Variants in EMILIN2 observed in about 807,000 individuals in gnomAD.
EMILIN2 encodes the protein elastin microfibril interfacer 2, also known as EMILIN-2.
A neutral mutation model predicts 87.1 loss-of-function variants in EMILIN2; 71 were observed. That is an observed-to-expected ratio of 0.82 (90% CI 0.67 to 0.99). The LOEUF (loss-of-function observed/expected upper bound fraction) is 0.99. Ranked by LOEUF, EMILIN2 falls within the 50% of genes least tolerant of loss-of-function variation. The pLI is 0.00. For synonymous variants in EMILIN2, 581 were observed against 563.4 expected, an observed-to-expected ratio of 1.03 and a Z score of -0.44; for missense variants, 1,407 against 1,371.8, an observed-to-expected ratio of 1.03 and a Z score of -0.40.
chr18:2,858,889 G>A (rs1044573096), intron 2 of EMILIN2, among the ~76,000 whole-genome samples: 1 of 151,910 alleles, frequency 6.6e-6, no homozygotes, highest in Non-Finnish European at 1.5e-5. Context: ...ACCCACCCCA[G>A]CCTCCCAAAG....
intron 3 of EMILIN2, among the ~76,000 whole-genome samples, 191 bp downstream of exon 3, chr18:2,885,330 C>A (rs1297526640): frequency 6.6e-6 from 1 of 152,176 alleles, no homozygotes; most frequent in East Asian, 1.9e-4. Context: ...AACTTCCTTG[C>A]AAGTAAATTG....
chr18:2,861,162 A>C (rs1398795530), intron 2 of EMILIN2, among the ~76,000 whole-genome samples: 1 of 152,180 alleles, frequency 6.6e-6, no homozygotes, highest in Non-Finnish European at 1.5e-5. Context: ...GATTGCAAAA[A>C]TGTTCTCCCA....
Position 2,891,284 on chromosome 18 carries a change from G to A in EMILIN2, c.1157G>A (p.Arg386Gln), listed in dbSNP as rs370748240. The change falls in exon 4 of 8, where the codon CGG (arginine) becomes CAG (glutamine). Residue 386 changes from arginine to glutamine, a missense_variant. By Grantham distance (43) the Arg-to-Gln change is conservative. Transcript: ENST00000254528. The surrounding 1 kb of genome is among the most constrained non-coding windows in gnomAD (Gnocchi z 4.6). The part of the protein sequence containing the change: ...LRKEINNLRA[R>Q]LQEPSAQANC... ...AAAGAAATAAATAACCTCCGAGCCC[G>A]GCTACAGGAGCCTTCAGCCCAGGCA... is the stretch of plus-strand genomic sequence containing the variant. The A allele has an allele frequency of 1.7e-5, 28 of 1,614,030 alleles. No individual in the cohort carries two copies. Among genetic ancestry groups the A allele is most frequent in the African/African-American group, 5.3e-5 (4 of 74,920 alleles).
chr18:2,904,483 C>T (rs1333980719), intron 4 of EMILIN2, among the ~76,000 whole-genome samples: 11 of 152,184 alleles, frequency 7.2e-5, no homozygotes, highest in East Asian at 5.8e-4. Flanking sequence ...ATCATCATTT[C>T]GTCATCATGT....
chr18:2,858,575 G>GTATA (rs1233576785), intron 2 of EMILIN2, among the ~76,000 whole-genome samples: 5 of 65,510 alleles, frequency 7.6e-5, no homozygotes, highest in Admixed American at 1.6e-4. Flanking sequence ...ATATATGTGT[G>GTATA]TGTGTGTGTA....
At chr18:2,889,687 C>CTTTTCTT in intron 3 of EMILIN2, among the ~76,000 whole-genome samples, 1 of 101,796 alleles carries the variant, frequency 9.8e-6, no homozygotes, top group African/African-American at 3.7e-5. Context: ...TTCTTTTTTT[C>CTTTTCTT]TTTTCTTTTT....
intron 4 of EMILIN2, 106 bp downstream of exon 4, chr18:2,892,592 G>A: frequency 7.0e-7 from 1 of 1,419,698 alleles, no homozygotes; most frequent in Non-Finnish European, 9.4e-7. Flanking sequence ...ACTTCATGAG[G>A]TAAAAATGTG....
At chr18:2,850,723 G>T (rs1212884012) in intron 2 of EMILIN2, among the ~76,000 whole-genome samples, 1 of 152,178 alleles carries the variant, frequency 6.6e-6, no homozygotes, top group East Asian at 1.9e-4. Context: ...AGATGCTGGA[G>T]ATAGAAACGC....
chr18:2,906,697 C>T (rs2076914250), intron 4 of EMILIN2, 86 bp from the exon 5 acceptor site: 2 of 1,082,772 alleles, frequency 1.8e-6, no homozygotes, highest in South Asian at 4.4e-5. Flanking sequence ...CCCCGCTCGC[C>T]GGGACTCATG....
At chr18:2,905,041 A>C (rs1205445597) in intron 4 of EMILIN2, among the ~76,000 whole-genome samples, 2 of 152,116 alleles carry the variant, frequency 1.3e-5, no homozygotes, top group Non-Finnish European at 2.9e-5. Context: ...CCTCTGCCTC[A>C]GTTTCTCTGT....
At chr18:2,900,938 G>A (rs1307623655) in intron 4 of EMILIN2, among the ~76,000 whole-genome samples, 2 of 152,190 alleles carry the variant, frequency 1.3e-5, no homozygotes, top group Admixed American at 6.5e-5. Context: ...TGGTCAGCAG[G>A]TATACCTTCT....
chr18:2,868,258 G>T (rs1249749136), intron 2 of EMILIN2, among the ~76,000 whole-genome samples: 1 of 151,324 alleles, frequency 6.6e-6, no homozygotes. Flanking sequence ...AGGCAGAGAC[G>T]CTCCTCACTT....
At position 2,890,188 on chromosome 18, in the gene EMILIN2, T is replaced by C. The variant is rs1200425162; in HGVS notation, c.434-373T>C. 2.6e-5 allele frequency among the ~76,000 whole-genome samples: 4 copies of C among 152,228 alleles called. No homozygotes were observed. The East Asian group carries it at 5.8e-4, about 22-fold the overall frequency. On this transcript the variant is annotated intron_variant, in intron 3 of 7. Transcript: ENST00000254528. This position sits in a 1 kb window ranked among gnomAD's most constrained non-coding sequence, Gnocchi z 4.7. ...CTAATATGGGAATGAAGTGTTCATA[T>C]GATAAAGCGGATAATGAATATTTCC...
upstream of EMILIN2, among the ~76,000 whole-genome samples, chr18:2,846,298 A>G (rs2076572854): frequency 2.0e-5 from 3 of 152,246 alleles, no homozygotes; most frequent in African/African-American, 7.2e-5. This position sits in a 1 kb window ranked among gnomAD's most constrained non-coding sequence, Gnocchi z 5.3. Context: ...CCTTAGTTTC[A>G]ATAGAAAAAG....
intron 5 of EMILIN2, 51 bp downstream of exon 5, chr18:2,907,136 C>T (rs1190707705): frequency 2.4e-6 from 3 of 1,227,562 alleles, no homozygotes; most frequent in Non-Finnish European, 3.0e-6. Flanking sequence ...CCGGAACTTC[C>T]GCCTGAGCCT....
intron 4 of EMILIN2, among the ~76,000 whole-genome samples, chr18:2,902,071 G>A (rs1186726108): frequency 6.6e-6 from 1 of 152,210 alleles, no homozygotes; most frequent in African/African-American, 2.4e-5. Flanking sequence ...TGTTGAGGGT[G>A]TAATGGATAT....
At chr18:2,867,963 GC>G (rs1182575566) in intron 2 of EMILIN2, among the ~76,000 whole-genome samples, 8 of 150,790 alleles carry the variant, frequency 5.3e-5, no homozygotes, top group Non-Finnish European at 1.0e-4. Flanking sequence ...GGACGGGGCG[GC>G]TGGCCGGGCA....
chr18:2,879,553 A>C (rs887383395), intron 2 of EMILIN2, among the ~76,000 whole-genome samples: 15 of 151,888 alleles, frequency 9.9e-5, no homozygotes, highest in African/African-American at 3.1e-4. Flanking sequence ...CCCAGCTACT[A>C]GGGAGGCTGA....
At chr18:2,911,788 G>C (rs1418646133) in intron 7 of EMILIN2, among the ~76,000 whole-genome samples, 1 of 152,188 alleles carries the variant, frequency 6.6e-6, no homozygotes, top group Non-Finnish European at 1.5e-5. Context: ...CTCTTGTCTT[G>C]CATGGAGCAG....
Sources: allele counts gnomAD v4.1 joint callset (sites outside exome capture counted in the v4.1 genomes callset), GRCh38; gene constraint gnomAD v4.1.1; non-coding constraint Gnocchi (gnomAD v3.1); transcripts MANE v1.5; gene names NCBI Gene and HGNC (gene_info 2026-07-23, HGNC 2026-07-21).